The following MYO1B variants were observed in gnomAD, a reference collection of about 807,000 sequenced individuals.
MYO1B encodes myosin IB.
Under a neutral mutation model 159.7 loss-of-function variants are expected in MYO1B, and 72 were observed. The ratio of observed to expected loss-of-function variants is 0.45; its 90% CI spans 0.37 to 0.55. MYO1B has a LOEUF of 0.55. Ranked by LOEUF, MYO1B falls within the 20% of genes least tolerant of loss-of-function variation. MYO1B has a pLI of 0.00. For synonymous variants in MYO1B, 468 were observed against 473.8 expected (o/e 0.99, Z 0.16); for missense variants, 1,062 against 1,364.8 (o/e 0.78, Z 3.50).
intron 4 of MYO1B, 131 bp from the exon 5 acceptor site, chr2:191,341,330 A>G (rs1692208098): frequency 3.2e-6 from 2 of 623,126 alleles, no homozygotes; most frequent in South Asian, 2.3e-5. Context: ...TATCCAAAAC[A>G]TTATTTACTC....
At chr2:191,354,039 C>T (rs1258623171) in intron 7 of MYO1B, among the ~76,000 whole-genome samples, 2 of 151,960 alleles carry the variant, frequency 1.3e-5, no homozygotes, top group East Asian at 1.9e-4. Flanking sequence ...AGGCGGATCA[C>T]GAGGTCAGGA....
chr2:191,354,446 A>C (rs1252000214), intron 7 of MYO1B, among the ~76,000 whole-genome samples: 1 of 152,230 alleles, frequency 6.6e-6, no homozygotes, highest in South Asian at 2.1e-4. Context: ...AAATACTTCT[A>C]AATGAATGCT....
At chr2:191,358,011 A>G (rs1364028307) in intron 7 of MYO1B, among the ~76,000 whole-genome samples, 4 of 152,222 alleles carry the variant, frequency 2.6e-5, no homozygotes, top group Non-Finnish European at 5.9e-5. Flanking sequence ...ACTGCTTTGT[A>G]ATGAAAGATT....
Position 191,364,198 on chromosome 2 carries a change from A to G in MYO1B, c.954A>G (p.Ser318=), listed in dbSNP as rs200442871. 3.7e-6 allele frequency: 6 copies of G among 1,613,890 alleles called. No individual in the cohort carries two copies. Among genetic ancestry groups the G allele is most frequent in the Non-Finnish European group, 5.1e-6 (6 of 1,179,888 alleles). The change falls in exon 11 of 31, where the codon TCA becomes TCG. Residue 318 remains serine, a synonymous_variant. Coordinates refer to ENST00000392318, the MANE Select transcript of MYO1B (RefSeq NM_001130158.3). ...GTGAATTGACCGGCATTGATCAATCAGTTCTAGAACGAGCATTCAGTTTCC... is the reference window on the plus strand; with the variant it reads ...GTGAATTGACCGGCATTGATCAATCGGTTCTAGAACGAGCATTCAGTTTCC... ...EICELTGIDQ[S]VLERAFSFRT... is the part of the protein sequence containing the mutation.
chr2:191,408,794 A>G (rs1021320924), intron 25 of MYO1B, among the ~76,000 whole-genome samples: 8 of 152,228 alleles, frequency 5.3e-5, no homozygotes, highest in African/African-American at 1.9e-4. Flanking sequence ...GCTAGCTGGT[A>G]TTAGCATTAG....
intron 2 of MYO1B, among the ~76,000 whole-genome samples, chr2:191,284,671 C>G (rs554798158): frequency 2.0e-5 from 3 of 152,036 alleles, no homozygotes; most frequent in Non-Finnish European, 4.4e-5. Context: ...CTAGCTCTGT[C>G]CCCCAGGCTG....
At chr2:191,255,368 G>A (rs1312790838) in intron 1 of MYO1B, among the ~76,000 whole-genome samples, 1 of 152,196 alleles carries the variant, frequency 6.6e-6, no homozygotes, top group African/African-American at 2.4e-5. Flanking sequence ...AAAAGGACAG[G>A]GGGCTGTGAG....
chr2:191,306,090 G>A (rs756587708), intron 3 of MYO1B, among the ~76,000 whole-genome samples: 2 of 152,142 alleles, frequency 1.3e-5, no homozygotes, highest in Non-Finnish European at 2.9e-5. Flanking sequence ...AAAACAAATG[G>A]CATTTTAAAT....
chr2:191,374,272 A>G (rs1362310917), intron 13 of MYO1B, among the ~76,000 whole-genome samples: 3 of 152,222 alleles, frequency 2.0e-5, no homozygotes, highest in Non-Finnish European at 4.4e-5. Flanking sequence ...AAAAATGAAA[A>G]TTTCTGTGAT....
chr2:191,321,577 A>G (rs1205478880), intron 3 of MYO1B, among the ~76,000 whole-genome samples: 8 of 152,166 alleles, frequency 5.3e-5, no homozygotes, highest in East Asian at 3.9e-4. Context: ...CCCCAATTGC[A>G]TATTTGTTCT....
intron 3 of MYO1B, among the ~76,000 whole-genome samples, chr2:191,315,161 A>ATCCG (rs1690265495): frequency 3.2e-5 from 1 of 31,672 alleles, no homozygotes; most frequent in South Asian, 7.9e-4. Flanking sequence ...CCGTCCGTCC[A>ATCCG]TCCATCCATC....
chr2:191,397,128 C>CTTTTTTTTTTTTTTTT (rs796198342), intron 21 of MYO1B, among the ~76,000 whole-genome samples: 1 of 32,254 alleles, frequency 3.1e-5, no homozygotes, highest in African/African-American at 6.6e-5. Flanking sequence ...AAGATGATTT[C>CTTTTTTTTTTTTTTTT]TTTTTTTTTT....
chr2:191,302,705 A>G (rs6434462), intron 3 of MYO1B, among the ~76,000 whole-genome samples: 80,499 of 152,034 alleles, frequency 0.53, 22,065 homozygotes, highest in East Asian at 0.65. Flanking sequence ...ATATAATGTG[A>G]TGGCCATATT....
rs1695462652 is a variant in MYO1B, at chr2:191,387,460, G to A, written c.1781+10G>A. On this transcript the variant is annotated intron_variant, in intron 17 of 30. Transcript: ENST00000392318. ...ACCCAAACTATATTAGGTATTTTTG[G>A]CACATGAAACTTTCACAGTTCAAAT... 1 of 1,612,108 alleles carries A rather than the reference G, an allele frequency of 6.2e-7. No homozygotes were observed. The highest frequency in any genetic ancestry group is 1.3e-5 in the African/African-American group (1 of 74,882).
intron 27 of MYO1B, among the ~76,000 whole-genome samples, chr2:191,411,704 A>G (rs545899058): frequency 1.3e-5 from 2 of 152,288 alleles, no homozygotes; most frequent in East Asian, 3.9e-4. Flanking sequence ...TGTGGCCTGT[A>G]CAGCACGTTC....
intron 24 of MYO1B, among the ~76,000 whole-genome samples, chr2:191,405,782 TTTG>T (rs1257932435): frequency 2.0e-5 from 3 of 152,250 alleles, no homozygotes; most frequent in Non-Finnish European, 2.9e-5. Context: ...TCATCCAGGC[TTTG>T]TTGTTCCATT....
At chr2:191,421,294 T>G (rs1211744992) in intron 30 of MYO1B, among the ~76,000 whole-genome samples, 1 of 151,830 alleles carries the variant, frequency 6.6e-6, no homozygotes, top group African/African-American at 2.4e-5. Context: ...GGTTCCAAAC[T>G]CCTGACCTCA....
At position 191,409,112 on chromosome 2, in the gene MYO1B, C is replaced by G. The variant is rs778914440; in HGVS notation, c.2700C>G (p.Pro900=). 9 of 1,613,162 alleles carry G rather than the reference C, an allele frequency of 5.6e-6. No individual in the cohort carries two copies. The South Asian group carries it at 9.9e-5, about 18-fold the overall frequency. ...PSLSPIDKNW[P]SRPYLFLDST... ...TATCTCCAATAGACAAGAATTGGCCCTCAAGACCTTACTTATTCTTGGATT... is the reference window on the plus strand; with the variant it reads ...TATCTCCAATAGACAAGAATTGGCCGTCAAGACCTTACTTATTCTTGGATT... Residue 900 remains proline (P), a synonymous_variant, in exon 26 of 31, where the codon CCC becomes CCG. Coordinates refer to ENST00000392318, the MANE Select transcript of MYO1B (RefSeq NM_001130158.3).
intron 2 of MYO1B, among the ~76,000 whole-genome samples, chr2:191,282,522 G>A (rs1226898292): frequency 6.6e-6 from 1 of 151,722 alleles, no homozygotes; most frequent in Non-Finnish European, 1.5e-5. Flanking sequence ...AATGCTTTTG[G>A]GAAAAAAAAA....
Sources: allele counts gnomAD v4.1 joint callset (sites outside exome capture counted in the v4.1 genomes callset), GRCh38; gene constraint gnomAD v4.1.1; transcripts MANE v1.5; gene names NCBI Gene and HGNC (gene_info 2026-07-23, HGNC 2026-07-21).